Variants in GLCE observed in about 807,000 individuals in gnomAD.
GLCE encodes glucuronic acid epimerase, also known as D-glucuronyl C5-epimerase.
In GLCE, 19 loss-of-function variants were observed where a neutral mutation model predicts 47.9. That is an observed-to-expected ratio of 0.40 (90% CI 0.28 to 0.58). The LOEUF is 0.58. Ranked by LOEUF, GLCE falls within the 20% of genes least tolerant of loss-of-function variation. The probability of loss-of-function intolerance (pLI) is 0.48; values close to 1 mark genes in which losing one functional copy is unlikely to be tolerated. For missense variants in GLCE, 556 were observed against 743.3 expected, an observed-to-expected ratio of 0.75 and a Z score of 2.93; for synonymous variants, 245 against 263.4, an observed-to-expected ratio of 0.93 and a Z score of 0.68.
intron 2 of GLCE, among the ~76,000 whole-genome samples, chr15:69,244,893 A>G (rs1345163085): frequency 1.3e-5 from 2 of 152,356 alleles, no homozygotes; most frequent in Non-Finnish European, 2.9e-5. Context: ...CATTGGAGAT[A>G]CTGCAGATTC....
intron 1 of GLCE, chr15:69,196,984 G>A: frequency 3.7e-6 from 1 of 268,768 alleles, no homozygotes; most frequent in Non-Finnish European, 7.3e-6. Flanking sequence ...AAATGTTAAT[G>A]GTCACTGTTT....
chr15:69,262,081 A>T (rs919311724), intron 4 of GLCE, among the ~76,000 whole-genome samples: 5 of 152,178 alleles, frequency 3.3e-5, no homozygotes, highest in South Asian at 2.1e-4. Context: ...CCAGTCTTGC[A>T]GTTGGTAAAT....
chr15:69,210,707 G>A (rs2052220195), intron 2 of GLCE, among the ~76,000 whole-genome samples: 1 of 152,102 alleles, frequency 6.6e-6, no homozygotes, highest in Non-Finnish European at 1.5e-5. Flanking sequence ...TTCACTGGAA[G>A]TGTTATAGAC....
chr15:69,188,423 A>C (rs1191834499), intron 1 of GLCE, among the ~76,000 whole-genome samples: 1 of 152,202 alleles, frequency 6.6e-6, no homozygotes, highest in Admixed American at 6.5e-5. Context: ...GTGCCCTTTT[A>C]GAATGACTTG....
intron 4 of GLCE, among the ~76,000 whole-genome samples, chr15:69,266,471 T>G (rs2053088316): frequency 6.6e-6 from 1 of 152,174 alleles, no homozygotes; most frequent in Non-Finnish European, 1.5e-5. Flanking sequence ...GGACTACACA[T>G]GCCACTGCAC....
At chr15:69,165,965 G>T (rs191407740) in intron 1 of GLCE, among the ~76,000 whole-genome samples, 16 of 152,244 alleles carry the variant, frequency 1.1e-4, no homozygotes, top group African/African-American at 3.6e-4. Context: ...AAGACTTCTC[G>T]CACTTTAAGA....
At chr15:69,231,897 A>C (rs1358117926) in intron 2 of GLCE, among the ~76,000 whole-genome samples, 2 of 152,050 alleles carry the variant, frequency 1.3e-5, no homozygotes, top group African/African-American at 4.8e-5. Context: ...GGTTCAAGCA[A>C]TTCTCCTGCC....
At position 69,251,528 on chromosome 15, in the gene GLCE, T is replaced by A. The variant is rs188701898; in HGVS notation, c.-13-4266T>A. On this transcript the variant is annotated intron_variant, in intron 2 of 4. Transcript: ENST00000261858. ...ACATAATGCTAATTTTCTTATTTTT[T>A]AAAAAAATTTACTTCTTATTATTAG... Among the ~76,000 whole-genome samples, 107 of 152,308 alleles carry A rather than the reference T, an allele frequency of 7.0e-4. 2 individuals carry two copies. Among genetic ancestry groups the A allele is most frequent in the Admixed American group, 2.4e-3 (36 of 15,306 alleles).
At chr15:69,245,316 G>C (rs559877649) in intron 2 of GLCE, among the ~76,000 whole-genome samples, 27 of 123,160 alleles carry the variant, frequency 2.2e-4, no homozygotes, top group African/African-American at 7.6e-4. Flanking sequence ...CTGGGAGACA[G>C]AGCAAGACTC....
intron 1 of GLCE, among the ~76,000 whole-genome samples, chr15:69,168,713 G>A (rs2051541239): frequency 6.6e-6 from 1 of 152,012 alleles, no homozygotes; most frequent in Admixed American, 6.6e-5. Context: ...TGTATTTTTA[G>A]TAGAGATGGG....
intron 2 of GLCE, among the ~76,000 whole-genome samples, chr15:69,245,885 C>T (rs780021070): frequency 1.5e-4 from 23 of 152,146 alleles, no homozygotes; most frequent in Non-Finnish European, 2.6e-4. Context: ...CCCACCACCA[C>T]GCCCGGCTAA....
intron 1 of GLCE, among the ~76,000 whole-genome samples, chr15:69,190,091 GA>G (rs1411521830): frequency 6.7e-6 from 1 of 148,180 alleles, no homozygotes; most frequent in African/African-American, 2.5e-5. Context: ...GATGTTTGGA[GA>G]TTTTTTTTTA....
Position 69,268,780 on chromosome 15 carries a change from C to A in GLCE, c.1390C>A (p.His464Asn). 6.2e-7 allele frequency: 1 copy of A among 1,614,028 alleles called. No individual in the cohort carries two copies. Among genetic ancestry groups the A allele is most frequent in the Non-Finnish European group, 8.5e-7 (1 of 1,179,912 alleles). Residue 464 changes from histidine (H) to asparagine (N), a missense_variant, in exon 5 of 5, where the codon CAT becomes AAT. His to Asn is a moderately conservative substitution (Grantham distance 68). This residue lies in a region of GLCE where 245 missense variants were observed against 368.1 expected (regional missense o/e 0.67). Transcript: ENST00000261858. The part of the protein sequence containing the change: ...LVRAYLLTKD[H>N]IFLNSALRAT... ...CAGGGCCTATCTGTTAACAAAAGAC[C>A]ATATATTCCTCAATTCAGCTTTAAG... is the stretch of plus-strand genomic sequence containing the variant.
Position 69,256,149 on chromosome 15 carries a change from C to T in GLCE, c.343C>T (p.His115Tyr). ...AATTGACTGTCTCATAAATGATGAA[C>T]ACACAATTAAAGGGAGACGAGAGGG... ...EEIDCLINDE[H>Y]TIKGRREGNE... Residue 115 changes from histidine (H) to tyrosine (Y), a missense_variant, in exon 3 of 5, where the codon CAC (histidine) becomes TAC (tyrosine). His to Tyr is a moderately conservative substitution (Grantham distance 83). Transcript: ENST00000261858. The T allele has an allele frequency of 6.2e-7, 1 of 1,613,898 alleles. No individual in the cohort carries two copies. The highest frequency in any genetic ancestry group is 8.5e-7 in the Non-Finnish European group (1 of 1,179,840).
In GLCE at chr15:69,165,621, A is replaced by G. The variant is rs181161939; in HGVS notation, c.-105+4864A>G. Reference sequence around the variant, plus strand: ...TTCCCTCTTCCCAACCCTAGGTGTTATATACTCACTGTATCATGTTCATTC... The same window carrying G: ...TTCCCTCTTCCCAACCCTAGGTGTTGTATACTCACTGTATCATGTTCATTC... On this transcript the variant is annotated intron_variant, in intron 1 of 4. Transcript: ENST00000261858. 2.8e-4 allele frequency among the ~76,000 whole-genome samples: 40 copies of G among 143,998 alleles called. No homozygotes were observed. In the East Asian group the frequency reaches 7.8e-3, roughly 28 times the overall value. The allele number at this position is 143,998 out of a possible 152,430, so 94.5% of individuals were successfully genotyped here.
chr15:69,250,071 G>T (rs536260656), intron 2 of GLCE, among the ~76,000 whole-genome samples: 1 of 152,018 alleles, frequency 6.6e-6, no homozygotes, highest in Non-Finnish European at 1.5e-5. Flanking sequence ...GAGGTTTCAA[G>T]ATTTTTTTTT....
chr15:69,219,570 T>G (rs1485510855), intron 2 of GLCE, among the ~76,000 whole-genome samples: 4 of 152,098 alleles, frequency 2.6e-5, no homozygotes, highest in Non-Finnish European at 5.9e-5. Flanking sequence ...CTAGTGTTGG[T>G]GCAGCCAGAA....
rs572689871 is a variant in GLCE, at chr15:69,266,390, G to T, written c.830-1830G>T. On this transcript the variant is annotated intron_variant, in intron 4 of 4. Coordinates refer to ENST00000261858, the MANE Select transcript of GLCE (RefSeq NM_015554.3). ...CTGTCACCCAGAACAAGAGTGGTGT[G>T]ATCATAGCTTACTTCAGCCTTAAAC... Among the ~76,000 whole-genome samples the T allele has an allele frequency of 4.1e-4, 62 of 151,914 alleles. 1 individual carries two copies. Among genetic ancestry groups the T allele is most frequent in the African/African-American group, 1.5e-3 (61 of 41,462 alleles).
intron 2 of GLCE, among the ~76,000 whole-genome samples, chr15:69,216,771 A>G (rs1206412829): frequency 1.3e-5 from 2 of 152,120 alleles, no homozygotes; most frequent in Non-Finnish European, 1.5e-5. Flanking sequence ...CTAGATTTGG[A>G]AAATAATATA....
Sources: gnomAD v4.1 joint callset for allele counts (sites outside exome capture counted in the v4.1 genomes callset) on GRCh38, gnomAD v4.1.1 for gene constraint, gnomAD v4.1.1 regional missense constraint, MANE v1.5 for transcripts, NCBI Gene and HGNC (gene_info 2026-07-23, HGNC 2026-07-21) for gene names.